DRC11: variants seen among roughly 807,000 people sequenced by gnomAD.
The protein encoded by DRC11 is dynein regulatory complex subunit 11.
chr2:236,491,203 T>TATACAC, the DRC11 span, among the ~76,000 whole-genome samples: 1 of 62,958 alleles, frequency 1.6e-5, no homozygotes, highest in Non-Finnish European at 3.2e-5. Context: ...TATATATATA[T>TATACAC]ATATATATAC....
At chr2:236,488,265 G>T in the DRC11 span, 1 of 1,115,948 alleles carries the variant, frequency 9.0e-7, no homozygotes, top group Non-Finnish European at 1.2e-6. Context: ...CACATCACAT[G>T]CTTACTTCAA....
chr2:236,383,676 T>TA, the DRC11 span, among the ~76,000 whole-genome samples: 1 of 151,100 alleles, frequency 6.6e-6, no homozygotes, highest in Non-Finnish European at 1.5e-5. Context: ...CTTTTTTTTT[T>TA]ATTATACTTT....
the DRC11 span, chr2:236,503,806 G>A: frequency 9.7e-7 from 1 of 1,031,680 alleles, no homozygotes. This position sits in a 1 kb window ranked among gnomAD's most constrained non-coding sequence, Gnocchi z 4.9. Flanking sequence ...CGCCAGCCTG[G>A]GGAGCCCCCA....
At chr2:236,441,115 G>C in the DRC11 span, 2,268 of 1,556,118 alleles carry the variant, frequency 1.5e-3, 28 homozygotes, top group African/African-American at 0.023. Flanking sequence ...GAAATGTCCC[G>C]GTTAAATTTC....
chr2:236,422,374 A>G, the DRC11 span, among the ~76,000 whole-genome samples: 1 of 152,220 alleles, frequency 6.6e-6, no homozygotes, highest in Non-Finnish European at 1.5e-5. Flanking sequence ...ATACAAAATC[A>G]ATGTGCAAAA....
the DRC11 span, among the ~76,000 whole-genome samples, chr2:236,353,189 G>A: frequency 1.3e-5 from 2 of 152,164 alleles, no homozygotes; most frequent in South Asian, 4.1e-4. The surrounding 1 kb of genome is among the most constrained non-coding windows in gnomAD (Gnocchi z 5.0). Flanking sequence ...TAATTAATTC[G>A]TAATTGAACT....
the DRC11 span, chr2:236,324,714 C>A: frequency 6.3e-7 from 1 of 1,599,222 alleles, no homozygotes; most frequent in Admixed American, 1.7e-5. This position sits in a 1 kb window ranked among gnomAD's most constrained non-coding sequence, Gnocchi z 5.7. Flanking sequence ...TTGTCCTTTG[C>A]CTTTTCTGTG....
chr2:236,431,190 C>T, the DRC11 span, among the ~76,000 whole-genome samples: 1 of 152,174 alleles, frequency 6.6e-6, no homozygotes. This position sits in a 1 kb window ranked among gnomAD's most constrained non-coding sequence, Gnocchi z 4.2. Flanking sequence ...AACTGCTAAT[C>T]CCTTTTCTCT....
the DRC11 span, among the ~76,000 whole-genome samples, chr2:236,340,292 T>C: frequency 6.6e-6 from 1 of 152,212 alleles, no homozygotes; most frequent in Non-Finnish European, 1.5e-5. Context: ...GCCCGGCTAA[T>C]TTTTGTATTT....
the DRC11 span, among the ~76,000 whole-genome samples, chr2:236,342,920 T>C: frequency 6.6e-6 from 1 of 152,072 alleles, no homozygotes; most frequent in Non-Finnish European, 1.5e-5. The surrounding 1 kb of genome is among the most constrained non-coding windows in gnomAD (Gnocchi z 5.8). Flanking sequence ...ACTCCTCTAA[T>C]GGGAAGTGAA....
chr2:236,391,186 A>C, the DRC11 span: 1 of 152,210 alleles, frequency 6.6e-6, no homozygotes, highest in South Asian at 2.1e-4. The surrounding 1 kb of genome is among the most constrained non-coding windows in gnomAD (Gnocchi z 4.5). Context: ...TCAGGGTTAA[A>C]CCATAATATC....
chr2:236,347,643 C>T, the DRC11 span, among the ~76,000 whole-genome samples: 1 of 151,482 alleles, frequency 6.6e-6, no homozygotes, highest in East Asian at 1.9e-4. Context: ...AACCAAACAT[C>T]GTACGTTCTC....
chr2:236,353,578 A>C, the DRC11 span, among the ~76,000 whole-genome samples: 1 of 152,166 alleles, frequency 6.6e-6, no homozygotes, highest in East Asian at 1.9e-4. The surrounding 1 kb of genome is among the most constrained non-coding windows in gnomAD (Gnocchi z 5.0). Context: ...TTGCTTGCCA[A>C]GGAGAACTGC....
chr2:236,472,723 C>G, the DRC11 span, among the ~76,000 whole-genome samples: 1 of 152,186 alleles, frequency 6.6e-6, no homozygotes, highest in Non-Finnish European at 1.5e-5. This position sits in a 1 kb window ranked among gnomAD's most constrained non-coding sequence, Gnocchi z 4.6. Context: ...AACAGCATCT[C>G]TGTGAAATAG....
chr2:236,473,938 C>G, the DRC11 span, among the ~76,000 whole-genome samples: 1 of 152,044 alleles, frequency 6.6e-6, no homozygotes, highest in African/African-American at 2.4e-5. This position sits in a 1 kb window ranked among gnomAD's most constrained non-coding sequence, Gnocchi z 4.8. Flanking sequence ...TGGTTTTGAT[C>G]AGATAAGTCA....
At chr2:236,463,769 G>A in the DRC11 span, among the ~76,000 whole-genome samples, 1 of 152,328 alleles carries the variant, frequency 6.6e-6, no homozygotes, top group Non-Finnish European at 1.5e-5. The surrounding 1 kb of genome is among the most constrained non-coding windows in gnomAD (Gnocchi z 5.0). Flanking sequence ...AACACATATT[G>A]TGTCATGGTT....
chr2:236,491,026 T>C, the DRC11 span, among the ~76,000 whole-genome samples: 11 of 142,714 alleles, frequency 7.7e-5, no homozygotes, highest in Non-Finnish European at 1.5e-4. Context: ...TGTATATATA[T>C]GTGTGTATAT....
chr2:236,312,742 T>C, the DRC11 span, among the ~76,000 whole-genome samples: 7 of 151,646 alleles, frequency 4.6e-5, no homozygotes, highest in African/African-American at 1.7e-4. Context: ...AAGACAGCCA[T>C]CAAATAAAAA....
At chr2:236,347,185 G>A in the DRC11 span, among the ~76,000 whole-genome samples, 2 of 152,206 alleles carry the variant, frequency 1.3e-5, no homozygotes, top group South Asian at 2.1e-4. Flanking sequence ...GAATGTGGGG[G>A]TGATCTGCAT....
Sources: allele counts gnomAD v4.1 joint callset (sites outside exome capture counted in the v4.1 genomes callset), GRCh38; gene constraint gnomAD v4.1.1; non-coding constraint Gnocchi (gnomAD v3.1); transcripts MANE v1.5; gene names NCBI Gene and HGNC (gene_info 2026-07-23, HGNC 2026-07-21).